The following ELP1 variants were observed in gnomAD, a reference collection of about 807,000 sequenced individuals.
The protein encoded by ELP1 is elongator complex protein 1.
A neutral mutation model predicts 183.2 loss-of-function variants in ELP1; 131 were observed. That is an observed-to-expected ratio of 0.72 (90% CI 0.62 to 0.83). The LOEUF is 0.83. Among genes scored for constraint, ELP1 ranks in the 40% least tolerant of loss-of-function variants. The pLI is 0.00. For missense variants in ELP1, 1,550 were observed against 1,594.9 expected (o/e 0.97, Z 0.48); for synonymous variants, 555 against 569.0 (o/e 0.98, Z 0.35).
At chr9:108,892,783 G>A (rs1034984050) in intron 27 of ELP1, among the ~76,000 whole-genome samples, 5 of 152,278 alleles carry the variant, frequency 3.3e-5, no homozygotes, top group Middle Eastern at 3.4e-3. Context: ...GGAACCCCAC[G>A]AGGAAGGTGC....
At chr9:108,930,936 T>C (rs1829983120) in intron 2 of ELP1, 61 bp downstream of exon 2, 1 of 1,550,888 alleles carries the variant, frequency 6.4e-7, no homozygotes, top group African/African-American at 1.4e-5. Flanking sequence ...GGGAAAGAAA[T>C]TTGGAAGAAG....
chr9:108,910,244 T>G (rs2793327), intron 12 of ELP1, among the ~76,000 whole-genome samples: 87,214 of 152,034 alleles, frequency 0.57, 25,273 homozygotes, highest in South Asian at 0.7. Context: ...AAACTGGTGA[T>G]ACATCCAGAT....
chr9:108,903,537 T>C, intron 15 of ELP1, 26 bp downstream of exon 15: 1 of 1,440,258 alleles, frequency 6.9e-7, no homozygotes, highest in East Asian at 2.3e-5. Flanking sequence ...AGTCATAACA[T>C]GCTTTCCTAA....
chr9:108,910,987 T>C (rs751906217), intron 12 of ELP1, 23 bp downstream of exon 12: 1 of 1,611,508 alleles, frequency 6.2e-7, no homozygotes, highest in Admixed American at 1.7e-5. Flanking sequence ...TCAGAACATC[T>C]TGGCAAAAGT....
intron 14 of ELP1, 121 bp from the exon 15 acceptor site, chr9:108,903,790 G>A: frequency 1.4e-6 from 1 of 707,126 alleles, no homozygotes; most frequent in South Asian, 1.5e-5. Context: ...TCAATACAAT[G>A]TAGACAAAAT....
chr9:108,868,472 C>G lies in ELP1; in HGVS notation c.*643G>C. 2.8e-6 allele frequency: 1 copy of G among 361,350 alleles called. No homozygotes were observed. Among genetic ancestry groups the G allele is most frequent in the Non-Finnish European group, 4.9e-6 (1 of 202,354 alleles). 22.4% of individuals were successfully genotyped at this position (361,350 alleles called of 1,614,324 possible). ...CATGATACTGTTTAGAAATTCTAAT[C>G]TGTTCTAGCTCTAACATTGCTAACT... On this transcript the variant is annotated 3_prime_UTR_variant, in exon 37 of 37. Transcript: ENST00000374647.
At chr9:108,910,564 G>A (rs1276312773) in intron 12 of ELP1, among the ~76,000 whole-genome samples, 1 of 152,106 alleles carries the variant, frequency 6.6e-6, no homozygotes, top group African/African-American at 2.4e-5. Flanking sequence ...CCTGTGTTGA[G>A]GTCCTTGTCC....
intron 14 of ELP1, among the ~76,000 whole-genome samples, chr9:108,905,178 G>A (rs1374865716): frequency 6.6e-6 from 1 of 152,166 alleles, no homozygotes; most frequent in Non-Finnish European, 1.5e-5. Context: ...GCAAATGACT[G>A]CATTAAAATG....
chr9:108,908,698 A>G (rs546205465), intron 12 of ELP1, among the ~76,000 whole-genome samples: 5 of 152,330 alleles, frequency 3.3e-5, no homozygotes, highest in South Asian at 4.1e-4. Flanking sequence ...CAAATTCTCC[A>G]AAGTCCTAAG....
intron 29 of ELP1, among the ~76,000 whole-genome samples, chr9:108,886,000 C>T (rs2131960161): frequency 6.6e-6 from 1 of 152,252 alleles, no homozygotes. Context: ...AGACCTTGGC[C>T]CATGGCCTCA....
At chr9:108,903,714 C>T (rs1564090228) in intron 14 of ELP1, 45 bp from the exon 15 acceptor site, 1 of 1,360,880 alleles carries the variant, frequency 7.3e-7, no homozygotes, top group South Asian at 1.2e-5. Context: ...CCATTTTTCT[C>T]AAAAATAGTG....
intron 33 of ELP1, 87 bp from the exon 34 acceptor site, chr9:108,878,837 G>A: frequency 1.4e-6 from 2 of 1,409,752 alleles, no homozygotes; most frequent in Non-Finnish European, 2.0e-6. Context: ...CTTTCTTGCA[G>A]TTGCTGATGA....
At chr9:108,881,556 G>A in intron 31 of ELP1, 149 bp downstream of exon 31, 3 of 625,380 alleles carry the variant, frequency 4.8e-6, no homozygotes, top group Non-Finnish European at 8.6e-6. Context: ...AAATTCTAGT[G>A]AGAATTAAAT....
chr9:108,868,066 C>G lies in ELP1; in HGVS notation c.*1049G>C, dbSNP rs929226044. On this transcript the variant is annotated 3_prime_UTR_variant, in exon 37 of 37. Transcript: ENST00000374647. The stretch of plus-strand genomic sequence containing the variant: ...CTACGTGAATCGCTTGTGCCATCCT[C>G]GTGGTAATGAGTGAGTTTTCACTCT... 6.6e-6 allele frequency: 1 copy of G among 152,160 alleles called. No homozygotes were observed. 9.4% of individuals were successfully genotyped at this position (152,160 alleles called of 1,614,324 possible).
At chr9:108,933,203 T>C (rs887397546) in intron 1 of ELP1, among the ~76,000 whole-genome samples, 3 of 152,220 alleles carry the variant, frequency 2.0e-5, no homozygotes, top group Non-Finnish European at 4.4e-5. Flanking sequence ...TTCCCACTAT[T>C]TGGGGACAGA....
At chr9:108,872,722 G>A (rs1329556371) in intron 36 of ELP1, among the ~76,000 whole-genome samples, 3 of 139,736 alleles carry the variant, frequency 2.1e-5, no homozygotes, top group African/African-American at 8.5e-5. Flanking sequence ...GGAGAATGGC[G>A]TGAACCCGGG....
At position 108,899,846 on chromosome 9, in the gene ELP1, G is replaced by A. The variant is rs748672764; in HGVS notation, c.2180C>T (p.Ala727Val). 1.2e-6 allele frequency: 2 copies of A among 1,613,960 alleles called. No homozygotes were observed. Among genetic ancestry groups the A allele is most frequent in the Admixed American group, 3.3e-5 (2 of 60,014 alleles). The stretch of plus-strand genomic sequence containing the variant: ...CTTGTCCAACCACTTCCGAATCTGA[G>A]CTAAAACCAGGGCTCGATGATGAAC... ...EVVHHRALVL[A>V]QIRKWLDKLM... Residue 727 changes from alanine to valine, a missense_variant, in exon 20 of 37, where the codon GCT (alanine) becomes GTT (valine). Transcript: ENST00000374647.
intron 2 of ELP1, among the ~76,000 whole-genome samples, chr9:108,930,330 T>C (rs1222454855): frequency 1.3e-5 from 2 of 152,186 alleles, no homozygotes; most frequent in African/African-American, 2.4e-5. Context: ...TTAAAGTACA[T>C]ATAGTTAGGA....
In ELP1 at chr9:108,922,882, T is replaced by C. The variant is rs1829697639; in HGVS notation, c.512A>G (p.His171Arg). 1.2e-6 allele frequency: 2 copies of C among 1,614,072 alleles called. No homozygotes were observed. The highest frequency in any genetic ancestry group is 1.7e-6 in the Non-Finnish European group (2 of 1,179,932). Reference protein sequence around the residue: ...VGWGRKETQFHGSEGRQAAFQ... With the variant: ...VGWGRKETQFRGSEGRQAAFQ... ...AGCTGCTTGTCTGCCTTCTGATCCA[T>C]GGAACTGTGTCTCCTTCCTACCCCA... is the stretch of plus-strand genomic sequence containing the variant. Residue 171 changes from histidine (H) to arginine (R), a missense_variant, in exon 6 of 37, where the codon CAT becomes CGT. Coordinates refer to ENST00000374647, the MANE Select transcript of ELP1 (RefSeq NM_003640.5).
Sources: allele counts gnomAD v4.1 joint callset (sites outside exome capture counted in the v4.1 genomes callset), GRCh38; gene constraint gnomAD v4.1.1; transcripts MANE v1.5; gene names NCBI Gene and HGNC (gene_info 2026-07-23, HGNC 2026-07-21).